ADARB2: variants seen among roughly 807,000 people sequenced by gnomAD.
ADARB2 encodes the protein adenosine deaminase RNA specific B2 (inactive), also known as inactive double-stranded RNA-specific editase B2.
A neutral mutation model predicts 62.2 loss-of-function variants in ADARB2; 25 were observed. The ratio of observed to expected loss-of-function variants is 0.40; its 90% CI spans 0.29 to 0.56. The LOEUF (loss-of-function observed/expected upper bound fraction) is 0.56. Ranked by LOEUF, ADARB2 falls within the 20% of genes least tolerant of loss-of-function variation. ADARB2 has a pLI of 0.43. For missense variants in ADARB2, 1,071 were observed against 1,077.4 expected, an observed-to-expected ratio of 0.99 and a Z score of 0.08; for synonymous variants, 572 against 500.8, an observed-to-expected ratio of 1.14 and a Z score of -1.90.
intron 3 of ADARB2, among the ~76,000 whole-genome samples, chr10:1,296,440 CT>C (rs1295758855): frequency 6.6e-6 from 1 of 152,204 alleles, no homozygotes; most frequent in African/African-American, 2.4e-5. Context: ...TTATTGGCTA[CT>C]GATGATTCCA....
At chr10:1,357,929 G>A (rs1832211900) in intron 3 of ADARB2, among the ~76,000 whole-genome samples, 1 of 152,234 alleles carries the variant, frequency 6.6e-6, no homozygotes, top group South Asian at 2.1e-4. Context: ...CACAGGACAA[G>A]CAGGTTTTTC....
chr10:1,531,354 A>G (rs528170091), intron 1 of ADARB2, among the ~76,000 whole-genome samples: 1 of 152,338 alleles, frequency 6.6e-6, no homozygotes, highest in South Asian at 2.1e-4. Flanking sequence ...CGCGAGAGGC[A>G]TGGCCAATTC....
chr10:1,658,493 C>T (rs183212988), intron 1 of ADARB2, among the ~76,000 whole-genome samples: 91 of 152,190 alleles, frequency 6.0e-4, no homozygotes, highest in African/African-American at 2.1e-3. Context: ...TTCTGTCTGT[C>T]TCTTTTTCTG....
intron 3 of ADARB2, among the ~76,000 whole-genome samples, chr10:1,350,193 C>T (rs888718455): frequency 3.3e-5 from 5 of 152,178 alleles, no homozygotes; most frequent in Admixed American, 2.0e-4. Context: ...TAATTCTTGT[C>T]GTAAAATAGG....
chr10:1,533,020 C>T (rs1159313460), intron 1 of ADARB2, among the ~76,000 whole-genome samples: 3 of 152,192 alleles, frequency 2.0e-5, no homozygotes, highest in East Asian at 1.9e-4. Flanking sequence ...GGGTAGGGGC[C>T]GGCCTCCACC....
chr10:1,734,526 T>C (rs906932316), intron 1 of ADARB2, among the ~76,000 whole-genome samples: 8 of 152,138 alleles, frequency 5.3e-5, no homozygotes, highest in African/African-American at 1.7e-4. Context: ...GAGTCACACA[T>C]AGAAAAGGAG....
chr10:1,243,368 T>C (rs1830945957), intron 4 of ADARB2, among the ~76,000 whole-genome samples: 1 of 152,218 alleles, frequency 6.6e-6, no homozygotes. Context: ...CACAAATTAA[T>C]GTCACGCCAG....
At chr10:1,489,819 AT>A (rs1831597396) in intron 1 of ADARB2, among the ~76,000 whole-genome samples, 1 of 121,652 alleles carries the variant, frequency 8.2e-6, no homozygotes, top group Non-Finnish European at 1.8e-5. Flanking sequence ...TAATTAGCAT[AT>A]TAGGATCAAA....
intron 1 of ADARB2, among the ~76,000 whole-genome samples, chr10:1,566,396 C>T (rs1323756824): frequency 2.0e-5 from 3 of 152,144 alleles, no homozygotes; most frequent in Non-Finnish European, 4.4e-5. Context: ...TTTTCTCTTT[C>T]GTTAGCAATT....
intron 1 of ADARB2, among the ~76,000 whole-genome samples, chr10:1,518,217 C>T (rs1015132212): frequency 5.3e-5 from 8 of 152,152 alleles, no homozygotes; most frequent in Non-Finnish European, 5.9e-5. Context: ...CGGTCTCAGC[C>T]CTCTAAGTAG....
intron 5 of ADARB2, among the ~76,000 whole-genome samples, chr10:1,236,265 C>T (rs1194845935): frequency 5.4e-5 from 1 of 18,606 alleles, no homozygotes; most frequent in Non-Finnish European, 9.6e-5. Context: ...CTCTCCCTCC[C>T]GGTGTTTACT....
At chr10:1,731,116 G>A (rs1034231226) in intron 1 of ADARB2, among the ~76,000 whole-genome samples, 1 of 152,178 alleles carries the variant, frequency 6.6e-6, no homozygotes, top group Non-Finnish European at 1.5e-5. Flanking sequence ...AGGGGCTGGA[G>A]GGAGATTGTG....
chr10:1,468,305 G>A (rs1419433415), intron 1 of ADARB2, among the ~76,000 whole-genome samples: 1 of 152,144 alleles, frequency 6.6e-6, no homozygotes, highest in Non-Finnish European at 1.5e-5. Context: ...AGGCCAAGGG[G>A]GCTCTCTGGG....
chr10:1,293,005 GGAGAGAGGGAGGGGA>G (rs1831483209), intron 3 of ADARB2: 1 of 51,396 alleles, frequency 1.9e-5, no homozygotes, highest in Non-Finnish European at 4.0e-5. Flanking sequence ...AGGGAGGGAA[GGAGAGAGGGAGGGGA>G]GAGAGAGGGA....
intron 1 of ADARB2, among the ~76,000 whole-genome samples, chr10:1,587,612 AAAT>A (rs1347089751): frequency 1.3e-5 from 2 of 152,106 alleles, no homozygotes; most frequent in African/African-American, 4.8e-5. Context: ...TTCCCGTGAG[AAAT>A]AATACTGATC....
chr10:1,274,261 G>T (rs963987582), intron 3 of ADARB2, among the ~76,000 whole-genome samples: 1 of 152,264 alleles, frequency 6.6e-6, no homozygotes, highest in African/African-American at 2.4e-5. Context: ...GGCCATGGCA[G>T]CCTGGGGGCC....
At chr10:1,538,630 C>T (rs546066925) in intron 1 of ADARB2, among the ~76,000 whole-genome samples, 7 of 152,280 alleles carry the variant, frequency 4.6e-5, no homozygotes, top group East Asian at 1.9e-4. Context: ...ACGTGGTGGA[C>T]GGGGAGCGTT....
chr10:1,310,674 A>G (rs1831681741), intron 3 of ADARB2, among the ~76,000 whole-genome samples: 1 of 152,068 alleles, frequency 6.6e-6, no homozygotes, highest in African/African-American at 2.4e-5. Flanking sequence ...TCCTCACGGT[A>G]CCTCTGGAGG....
rs549635880 is a variant in ADARB2 at position 1,452,620 on chromosome 10, G to A, written c.101-73460C>T. ...GAGAACTCATGGACACGGGGGTTGG[G>A]GGGGGGAATATCACACACTGGGGCC... On this transcript the variant is annotated intron_variant, in intron 1 of 9. Coordinates refer to ENST00000381312, the MANE Select transcript of ADARB2 (RefSeq NM_018702.4). Among the ~76,000 whole-genome samples the A allele has an allele frequency of 3.2e-3, 488 of 150,226 alleles. 1 individual carries two copies. Among genetic ancestry groups the A allele is most frequent in the Middle Eastern group, 0.01 (3 of 290 alleles).
Sources: gnomAD v4.1 joint callset for allele counts (sites outside exome capture counted in the v4.1 genomes callset) on GRCh38, gnomAD v4.1.1 for gene constraint, MANE v1.5 for transcripts, NCBI Gene and HGNC (gene_info 2026-07-23, HGNC 2026-07-21) for gene names.